Variants in CDC25C observed in about 807,000 individuals in gnomAD.
The protein encoded by CDC25C is M-phase inducer phosphatase 3.
CDC25C carries 48 observed loss-of-function variants against 52.5 expected under a neutral mutation model. The observed-to-expected ratio is 0.91, with a 90% CI of 0.72 to 1.16. CDC25C has a LOEUF of 1.16. Ranked by LOEUF, CDC25C falls within the 50% of genes most tolerant of loss-of-function variation. CDC25C has a pLI of 0.00. For synonymous variants in CDC25C, 187 were observed against 206.5 expected (o/e 0.91, Z 0.81); for missense variants, 510 against 566.1 (o/e 0.90, Z 1.01).
rs781288957 is a variant in CDC25C, at chr5:138,330,978, T to C, written c.194+9A>G. The C allele has an allele frequency of 6.3e-7, 1 of 1,577,694 alleles. No individual in the cohort carries two copies. Among genetic ancestry groups the C allele is most frequent in the African/African-American group, 1.3e-5 (1 of 74,120 alleles). On this transcript the variant is annotated intron_variant, in intron 2 of 13. Transcript: ENST00000323760. ...AGGCAATACAGTGTAAAAATAAAAG[T>C]ATATTTACCCAGACAAAATGCTTAG...
chr5:138,294,221 T>C (rs1414229416), intron 7 of CDC25C, among the ~76,000 whole-genome samples: 1 of 150,766 alleles, frequency 6.6e-6, no homozygotes, highest in Non-Finnish European at 1.5e-5. Context: ...AGATGGAGTC[T>C]AGCTCTGTCA....
intron 6 of CDC25C, among the ~76,000 whole-genome samples, chr5:138,320,307 G>GA (rs1253967620): frequency 3.1e-4 from 46 of 147,184 alleles, no homozygotes; most frequent in East Asian, 1.2e-3. Flanking sequence ...CTCCATCTTG[G>GA]AAAAAAAAAA....
intron 7 of CDC25C, among the ~76,000 whole-genome samples, chr5:138,305,354 C>A (rs553442833): frequency 6.6e-6 from 1 of 152,286 alleles, no homozygotes; most frequent in Admixed American, 6.5e-5. Flanking sequence ...CTATTTCAGA[C>A]CTCATTTTGT....
intron 7 of CDC25C, among the ~76,000 whole-genome samples, chr5:138,294,480 G>A (rs1402373921): frequency 2.8e-5 from 4 of 144,488 alleles, no homozygotes; most frequent in South Asian, 2.2e-4. Flanking sequence ...GTGAGCCACC[G>A]TGCCCAACCA....
At chr5:138,309,664 C>G (rs1412799793) in intron 7 of CDC25C, among the ~76,000 whole-genome samples, 2 of 151,676 alleles carry the variant, frequency 1.3e-5, no homozygotes, top group East Asian at 3.9e-4. Flanking sequence ...CTATCAAGAG[C>G]TCAAACATGG....
At chr5:138,337,725 T>TC (rs1193159455) in intron 1 of CDC25C, 4 of 335,642 alleles carry the variant, frequency 1.2e-5, no homozygotes, top group Non-Finnish European at 2.3e-5. Context: ...CTCCTGGGAC[T>TC]CCGAGCAGGC....
chr5:138,334,139 G>T (rs554379453), upstream of CDC25C, among the ~76,000 whole-genome samples: 1 of 152,062 alleles, frequency 6.6e-6, no homozygotes, highest in African/African-American at 2.4e-5. Context: ...TCACCATATT[G>T]TCCAGGCTGT....
At chr5:138,299,116 C>T (rs1160921223) in intron 7 of CDC25C, among the ~76,000 whole-genome samples, 1 of 148,590 alleles carries the variant, frequency 6.7e-6, no homozygotes, top group Non-Finnish European at 1.5e-5. Flanking sequence ...TTGCCTGAAC[C>T]TGGGAGGCAC....
chr5:138,331,262 C>T (rs1760362420), intron 1 of CDC25C, 44 bp from the exon 2 acceptor site: 1 of 1,331,726 alleles, frequency 7.5e-7, no homozygotes, highest in Admixed American at 1.8e-5. Flanking sequence ...ACAGTTCCCT[C>T]AGCTTTCCTA....
chr5:138,314,603 CTTTTT>C lies in CDC25C; in HGVS notation c.615+4611_615+4615del, dbSNP rs907033621. 2.6e-5 allele frequency among the ~76,000 whole-genome samples: 3 copies of C among 114,714 alleles called. No homozygotes were observed. In the Admixed American group the frequency reaches 2.8e-4, roughly 11 times the overall value. 75.3% of individuals were successfully genotyped at this position (114,714 alleles called of 152,430 possible). A position where few individuals can be genotyped will look rare whatever the true frequency, so the allele number is the denominator to read the frequency against. On this transcript the variant is annotated intron_variant, in intron 7 of 13. Coordinates refer to ENST00000323760, the MANE Select transcript of CDC25C (RefSeq NM_001790.5). ...GAGTCACCGCTCCCAGCCTATAGCA[CTTTTT>C]TTTTTTTTTTTTTTTTTGAGACAGA...
intron 4 of CDC25C, among the ~76,000 whole-genome samples, chr5:138,327,541 C>G (rs1759992103): frequency 6.6e-6 from 1 of 151,620 alleles, no homozygotes; most frequent in Non-Finnish European, 1.5e-5. Flanking sequence ...GAGGCTGAGG[C>G]AGGAGAATCG....
intron 9 of CDC25C, 85 bp from the exon 10 acceptor site, chr5:138,289,648 A>T: frequency 8.8e-7 from 1 of 1,138,742 alleles, no homozygotes. Flanking sequence ...CCTTCTTTCC[A>T]AGTGACCCTT....
intron 7 of CDC25C, among the ~76,000 whole-genome samples, chr5:138,301,111 T>G (rs116421806): frequency 2.6e-5 from 4 of 151,766 alleles, no homozygotes; most frequent in Non-Finnish European, 4.4e-5. Flanking sequence ...AAGATTAGAG[T>G]GCAAAATCAA....
At chr5:138,293,723 T>C (rs1029311572) in intron 7 of CDC25C, among the ~76,000 whole-genome samples, 3 of 151,658 alleles carry the variant, frequency 2.0e-5, no homozygotes, top group Non-Finnish European at 4.4e-5. Flanking sequence ...CTTAGCTCAC[T>C]GCAACCTCTG....
intron 2 of CDC25C, among the ~76,000 whole-genome samples, chr5:138,330,278 C>A (rs1174654824): frequency 1.3e-5 from 2 of 151,808 alleles, no homozygotes. Flanking sequence ...GCACTATGAA[C>A]ACAGGCTTGA....
At chr5:138,338,133 C>A (rs1309699541) in exon 1 of CDC25C, 7 of 1,289,700 alleles carry the variant, frequency 5.4e-6, no homozygotes, top group Non-Finnish European at 7.1e-6. Context: ...GAGAGAGACA[C>A]GACACGGAGC....
upstream of CDC25C, among the ~76,000 whole-genome samples, chr5:138,335,790 T>G (rs75043294): frequency 0.011 from 1,711 of 151,866 alleles, 42 homozygotes; most frequent in African/African-American, 0.038. Flanking sequence ...GTTTTGTTTT[T>G]TTTGTTTTGT....
chr5:138,301,463 C>G (rs1195160613), intron 7 of CDC25C, among the ~76,000 whole-genome samples: 6 of 151,852 alleles, frequency 4.0e-5, no homozygotes, highest in Non-Finnish European at 8.8e-5. Context: ...AACATTCCCA[C>G]AAAGAAAACT....
upstream of CDC25C, among the ~76,000 whole-genome samples, chr5:138,335,960 T>C (rs978385590): frequency 5.3e-5 from 8 of 152,062 alleles, no homozygotes; most frequent in Middle Eastern, 3.4e-3. Flanking sequence ...TTTTTGAGAG[T>C]ACCTTTGCCT....
Sources: allele counts gnomAD v4.1 joint callset (sites outside exome capture counted in the v4.1 genomes callset), GRCh38; gene constraint gnomAD v4.1.1; transcripts MANE v1.5; gene names NCBI Gene and HGNC (gene_info 2026-07-23, HGNC 2026-07-21).